FAM161A: variants seen among roughly 807,000 people sequenced by gnomAD.
FAM161A encodes FAM161 centrosomal protein A, also known as protein FAM161A.
In FAM161A, 57 loss-of-function variants were observed where a neutral mutation model predicts 70.9. That is an observed-to-expected ratio of 0.80 (90% confidence interval 0.65 to 1.00). The LOEUF (loss-of-function observed/expected upper bound fraction) is 1.00, where lower values mean the gene tolerates loss of function less well. FAM161A is among the 50% of genes least tolerant of loss of function. FAM161A has a pLI of 0.00. For synonymous variants in FAM161A, 299 were observed against 295.7 expected (o/e 1.01, Z -0.12); for missense variants, 880 against 836.0 (o/e 1.05, Z -0.65).
chr2:61,830,980 C>T (rs1479277665), intron 5 of FAM161A, among the ~76,000 whole-genome samples: 1 of 151,028 alleles, frequency 6.6e-6, no homozygotes, highest in East Asian at 2.0e-4. Flanking sequence ...GGCATGGTGG[C>T]ACGCGCCTGT....
At chr2:61,823,386 T>TATATATATATATATATATATATATATA (rs1558470704), downstream of FAM161A, among the ~76,000 whole-genome samples, 95 of 135,060 alleles carry the variant, frequency 7.0e-4, no homozygotes, top group Middle Eastern at 7.7e-3. Context: ...TATATATATA[T>TATATATATATATATATATATATATATA]TGAGTCAGGG....
At position 61,826,346 on chromosome 2, in the gene FAM161A, C is replaced by T; in HGVS notation, c.*109G>A. On this transcript the variant is annotated 3_prime_UTR_variant, in exon 7 of 7. Transcript: ENST00000404929. ...GGCTACAGATGACTTTGATCAACAGCCCTGCACATATCAGAAGCGTCCCCA... is the reference window on the plus strand; with the variant it reads ...GGCTACAGATGACTTTGATCAACAGTCCTGCACATATCAGAAGCGTCCCCA... 1.7e-6 allele frequency: 2 copies of T among 1,203,408 alleles called. No individual in the cohort carries two copies. Among genetic ancestry groups the T allele is most frequent in the Non-Finnish European group, 2.4e-6 (2 of 827,062 alleles). The allele number at this position is 1,203,408 out of a possible 1,614,324, so 74.5% of individuals were successfully genotyped here. A position where few individuals can be genotyped will look rare whatever the true frequency, so the allele number is the denominator to read the frequency against.
chr2:61,834,372 G>A (rs555580779), intron 5 of FAM161A, among the ~76,000 whole-genome samples: 229 of 152,090 alleles, frequency 1.5e-3, no homozygotes, highest in Middle Eastern at 3.4e-3. Flanking sequence ...GAGGGAGGAG[G>A]GCAAGGGTTG....
intron 5 of FAM161A, among the ~76,000 whole-genome samples, chr2:61,827,467 G>A (rs539403482): frequency 1.7e-4 from 26 of 152,022 alleles, no homozygotes; most frequent in Non-Finnish European, 3.1e-4. Flanking sequence ...AAAATTAGCC[G>A]GGCGTGGTGG....
At chr2:61,850,792 A>T (rs1029364136) in intron 1 of FAM161A, among the ~76,000 whole-genome samples, 1 of 152,194 alleles carries the variant, frequency 6.6e-6, no homozygotes, top group African/African-American at 2.4e-5. Flanking sequence ...AAGAAAAACA[A>T]TAGGTTCTCT....
At chr2:61,838,408 A>C in intron 4 of FAM161A, 130 bp downstream of exon 4, 1 of 771,762 alleles carries the variant, frequency 1.3e-6, no homozygotes, top group African/African-American at 1.7e-5. Context: ...CAAGTAACTG[A>C]TGACAATTTA....
At chr2:61,833,949 C>G (rs1268784639) in intron 5 of FAM161A, among the ~76,000 whole-genome samples, 1 of 152,128 alleles carries the variant, frequency 6.6e-6, no homozygotes, top group Non-Finnish European at 1.5e-5. Context: ...CATCTGAGCC[C>G]AGGAGTTCAA....
At chr2:61,802,232 C>G in the FAM161A span, among the ~76,000 whole-genome samples, 1 of 152,150 alleles carries the variant, frequency 6.6e-6, no homozygotes, top group Non-Finnish European at 1.5e-5. Flanking sequence ...ATAAGACCTA[C>G]CCAGGATGTG....
At chr2:61,837,928 TA>T (rs1485766351) in intron 4 of FAM161A, among the ~76,000 whole-genome samples, 1 of 152,166 alleles carries the variant, frequency 6.6e-6, no homozygotes, top group Non-Finnish European at 1.5e-5. Flanking sequence ...TAAAAAGTAA[TA>T]AATCACATTA....
chr2:61,836,023 T>A lies in FAM161A; in HGVS notation c.1838A>T (p.Glu613Val), dbSNP rs1672758891. The A allele has an allele frequency of 1.9e-6, 3 of 1,608,586 alleles. No individual in the cohort carries two copies. In the South Asian group the frequency reaches 3.3e-5, roughly 18 times the overall value. Residue 613 changes from glutamate to valine, a missense_variant, in exon 5 of 7, where the codon GAA (glutamate) becomes GTA (valine). Physicochemically the swap from Glu to Val is moderately radical, Grantham distance 121. Transcript: ENST00000404929. ...AATAAACACAACCTGAGCAACTCTT[T>A]CAAATAGCAGTGGCCTCTTTTTTAA... ...EKLKKRPLLF[E>V]RVAQKNARMA...
At chr2:61,835,495 C>G (rs1672737214) in intron 5 of FAM161A, 1 of 152,202 alleles carries the variant, frequency 6.6e-6, no homozygotes, top group Admixed American at 6.5e-5. Context: ...AGAAATAACT[C>G]TGATTCAATT....
In FAM161A at chr2:61,825,919, G is replaced by A. The variant is rs759864272; in HGVS notation, c.*536C>T. ...CCCAAAATGCTGGGATTACAGGCAT[G>A]AGCCACCATACCCGGCGTTTTTTCT... is the stretch of plus-strand genomic sequence containing the variant. On this transcript the variant is annotated 3_prime_UTR_variant, in exon 7 of 7. Coordinates refer to ENST00000404929, the MANE Select transcript of FAM161A (RefSeq NM_001201543.2). The A allele has an allele frequency of 1.1e-4, 48 of 454,178 alleles. No homozygotes were observed. The highest frequency in any genetic ancestry group is 1.6e-4 in the Admixed American group (7 of 42,554). The allele number at this position is 454,178 out of a possible 1,614,324, so 28.1% of individuals were successfully genotyped here.
At chr2:61,837,039 A>T (rs979693065) in intron 4 of FAM161A, among the ~76,000 whole-genome samples, 14 of 151,842 alleles carry the variant, frequency 9.2e-5, no homozygotes, top group Admixed American at 6.6e-5. Context: ...TAATTTTTTT[A>T]AATTTTTTGT....
the FAM161A span, among the ~76,000 whole-genome samples, chr2:61,804,774 GAA>G: frequency 8.1e-6 from 1 of 123,524 alleles, no homozygotes; most frequent in East Asian, 2.3e-4. Flanking sequence ...GAAAGAGAAA[GAA>G]AGAAAGAAAG....
chr2:61,838,734 A>T (rs763150305), intron 3 of FAM161A, 29 bp from the exon 4 acceptor site: 1 of 1,459,790 alleles, frequency 6.9e-7, no homozygotes, highest in East Asian at 2.4e-5. Flanking sequence ...GGCTTAATCC[A>T]CTTTAAGCCA....
At chr2:61,844,387 C>T (rs1006350870) in intron 1 of FAM161A, among the ~76,000 whole-genome samples, 26 of 151,762 alleles carry the variant, frequency 1.7e-4, no homozygotes, top group Admixed American at 9.9e-4. Flanking sequence ...CTAAAATGTA[C>T]GTCAGATTTT....
intron 5 of FAM161A, among the ~76,000 whole-genome samples, chr2:61,834,380 T>C (rs1340568468): frequency 2.0e-5 from 3 of 151,548 alleles, no homozygotes; most frequent in Non-Finnish European, 4.4e-5. Flanking sequence ...AGGGCAAGGG[T>C]TGAAAACCTA....
At chr2:61,848,402 T>C (rs1224863241) in intron 1 of FAM161A, among the ~76,000 whole-genome samples, 1 of 152,170 alleles carries the variant, frequency 6.6e-6, no homozygotes, top group African/African-American at 2.4e-5. Flanking sequence ...TCTAATTTAA[T>C]CTTTAATTGT....
At chr2:61,804,565 A>G in the FAM161A span, among the ~76,000 whole-genome samples, 1 of 151,790 alleles carries the variant, frequency 6.6e-6, no homozygotes, top group Non-Finnish European at 1.5e-5. Flanking sequence ...TGCACCTGTA[A>G]TCCCAACTAC....
Sources: gnomAD v4.1 joint callset for allele counts (sites outside exome capture counted in the v4.1 genomes callset) on GRCh38, gnomAD v4.1.1 for gene constraint, MANE v1.5 for transcripts, NCBI Gene and HGNC (gene_info 2026-07-23, HGNC 2026-07-21) for gene names.